Variants in PRKCI observed in about 807,000 individuals in gnomAD.
PRKCI encodes protein kinase C iota, also known as protein kinase C iota type.
PRKCI carries 43 observed loss-of-function variants against 84.0 expected under a neutral mutation model. The observed-to-expected ratio is 0.51, with a 90% CI of 0.40 to 0.66. The LOEUF is 0.66. Among genes scored for constraint, PRKCI ranks in the 30% least tolerant of loss-of-function variants. The pLI is 0.00. For synonymous variants in PRKCI, 216 were observed against 234.4 expected (o/e 0.92, Z 0.72); for missense variants, 459 against 745.6 (o/e 0.62, Z 4.48).
intron 8 of PRKCI, among the ~76,000 whole-genome samples, chr3:170,278,068 G>T (rs1560180499): frequency 2.6e-5 from 4 of 152,114 alleles, no homozygotes; most frequent in Non-Finnish European, 5.9e-5. Flanking sequence ...AGCTACTTTT[G>T]CAGGATAGAG....
At chr3:170,262,213 T>G (rs1472775027) in intron 3 of PRKCI, among the ~76,000 whole-genome samples, 1 of 152,216 alleles carries the variant, frequency 6.6e-6, no homozygotes, top group African/African-American at 2.4e-5. Context: ...TAAATTTACA[T>G]TTTTGATTTT....
chr3:170,252,500 T>C (rs2692241), intron 2 of PRKCI, among the ~76,000 whole-genome samples: 38,564 of 152,164 alleles, frequency 0.25, 5,571 homozygotes, highest in African/African-American at 0.4. Flanking sequence ...ATTCCAATTA[T>C]ACTCTTTTAG....
At chr3:170,239,879 G>A (rs1733079248) in intron 2 of PRKCI, among the ~76,000 whole-genome samples, 2 of 152,062 alleles carry the variant, frequency 1.3e-5, no homozygotes. Flanking sequence ...TGAGTGCGGT[G>A]GCTCATGCTT....
At chr3:170,259,195 T>TG (rs1733662872) in intron 2 of PRKCI, among the ~76,000 whole-genome samples, 1 of 152,102 alleles carries the variant, frequency 6.6e-6, no homozygotes. Flanking sequence ...TTGCTGTATT[T>TG]GGGATATATA....
intron 2 of PRKCI, among the ~76,000 whole-genome samples, chr3:170,239,992 C>CA (rs869102203): frequency 2.0e-5 from 3 of 151,616 alleles, no homozygotes; most frequent in African/African-American, 4.8e-5. Flanking sequence ...CCTGTCCCTA[C>CA]AAAAAAAATT....
intron 17 of PRKCI, among the ~76,000 whole-genome samples, chr3:170,299,528 A>G (rs921703489): frequency 1.3e-5 from 2 of 152,244 alleles, no homozygotes; most frequent in Admixed American, 6.5e-5. Context: ...TGCCCGGCCT[A>G]TACTATAATT....
chr3:170,234,089 A>C (rs1732880062), intron 1 of PRKCI, among the ~76,000 whole-genome samples: 1 of 121,632 alleles, frequency 8.2e-6, no homozygotes, highest in Admixed American at 1.1e-4. Context: ...GCTGGAGTGC[A>C]ATGGTGTGAT....
At chr3:170,291,772 TATATG>T (rs764756196) in intron 12 of PRKCI, 77 bp from the exon 13 acceptor site, 82 of 1,064,042 alleles carry the variant, frequency 7.7e-5, no homozygotes, top group Admixed American at 3.4e-4. Context: ...ATGCTGAACT[TATATG>T]ATAGGTGAAA....
intron 6 of PRKCI, 77 bp downstream of exon 6, chr3:170,270,638 T>C (rs1192747476): frequency 2.5e-5 from 36 of 1,447,800 alleles, no homozygotes; most frequent in African/African-American, 4.4e-5. Flanking sequence ...AGTGCTAAAA[T>C]AGGGAGGTGT....
At chr3:170,238,594 C>CTTTTTTT (rs1231292323) in intron 2 of PRKCI, among the ~76,000 whole-genome samples, 3 of 125,124 alleles carry the variant, frequency 2.4e-5, no homozygotes, top group Admixed American at 8.1e-5. Flanking sequence ...CATTTCTTTT[C>CTTTTTTT]TTTTTTTTTT....
At chr3:170,283,863 T>G (rs553603894) in intron 11 of PRKCI, among the ~76,000 whole-genome samples, 1 of 152,348 alleles carries the variant, frequency 6.6e-6, no homozygotes, top group African/African-American at 2.4e-5. Context: ...TTTTCATTAT[T>G]CAGGCCAAAA....
At chr3:170,227,102 A>G (rs771716698) in intron 1 of PRKCI, among the ~76,000 whole-genome samples, 5 of 152,222 alleles carry the variant, frequency 3.3e-5, no homozygotes, top group African/African-American at 4.8e-5. Context: ...CTGCACAGAA[A>G]AATTCTCCCC....
intron 16 of PRKCI, among the ~76,000 whole-genome samples, chr3:170,298,224 A>G (rs1322295313): frequency 6.6e-6 from 1 of 151,922 alleles, no homozygotes; most frequent in Non-Finnish European, 1.5e-5. Flanking sequence ...ATTAAGGCCC[A>G]TATCAATGTT....
chr3:170,290,403 C>A (rs1434657391), intron 12 of PRKCI, among the ~76,000 whole-genome samples: 1 of 149,498 alleles, frequency 6.7e-6, no homozygotes, highest in Non-Finnish European at 1.5e-5. Flanking sequence ...GGCCAGTAGC[C>A]CATGTGTACT....
Position 170,270,576 on chromosome 3 carries a change from CTTTTTTTTTTT to C in PRKCI, c.591+25_591+35del. ...CTTTGCCACAGGTAAGATGTCTGTC[CTTTTTTTTTTT>C]TTTTTTTTTAAGAGCGTGCTTGATA... On this transcript the variant is annotated intron_variant, in intron 6 of 17. Coordinates refer to ENST00000295797, the MANE Select transcript of PRKCI (RefSeq NM_002740.6). 2 of 1,364,746 alleles carry C rather than the reference CTTTTTTTTTTT, an allele frequency of 1.5e-6. No individual in the cohort carries two copies. Among genetic ancestry groups the C allele is most frequent in the Non-Finnish European group, 1.9e-6 (2 of 1,052,610 alleles). The allele number at this position is 1,364,746 out of a possible 1,614,324, so 84.5% of individuals were successfully genotyped here. A position where few individuals can be genotyped will look rare whatever the true frequency, so the allele number is the denominator to read the frequency against.
At chr3:170,250,073 T>A (rs1733399262) in intron 2 of PRKCI, among the ~76,000 whole-genome samples, 1 of 151,840 alleles carries the variant, frequency 6.6e-6, no homozygotes, top group Non-Finnish European at 1.5e-5. Flanking sequence ...GTCAGCAGTT[T>A]GAGACCAGCC....
intron 2 of PRKCI, among the ~76,000 whole-genome samples, chr3:170,240,088 G>A (rs1733088633): frequency 6.6e-6 from 1 of 152,032 alleles, no homozygotes; most frequent in Non-Finnish European, 1.5e-5. Flanking sequence ...CTTGAGCATG[G>A]GAGATGGAGG....
chr3:170,248,057 A>T (rs1434470120), intron 2 of PRKCI, among the ~76,000 whole-genome samples: 1 of 152,186 alleles, frequency 6.6e-6, no homozygotes, highest in Non-Finnish European at 1.5e-5. Context: ...ACAGAGAGTG[A>T]GAGTCTGTGA....
rs771315520 is a variant in PRKCI at position 170,273,265 on chromosome 3, T to G, written c.592-21T>G. On this transcript the variant is annotated intron_variant, in intron 6 of 17. Transcript: ENST00000295797. ...ATAGAGGTACTCCACTGAGTTACTG[T>G]GTCTTTGGAAATGTTTGTAGGAACC... 44 of 1,606,356 alleles carry G rather than the reference T, an allele frequency of 2.7e-5. 1 individual carries two copies. In the South Asian group the frequency reaches 4.7e-4, roughly 17 times the overall value.
Sources: gnomAD v4.1 joint callset for allele counts (sites outside exome capture counted in the v4.1 genomes callset) on GRCh38, gnomAD v4.1.1 for gene constraint, MANE v1.5 for transcripts, NCBI Gene and HGNC (gene_info 2026-07-23, HGNC 2026-07-21) for gene names.